The following KLHL3 variants were observed in gnomAD, a reference collection of about 807,000 sequenced individuals.
KLHL3 encodes the protein kelch-like protein 3.
Under a neutral mutation model 70.5 loss-of-function variants are expected in KLHL3, and 19 were observed. The observed-to-expected ratio is 0.27, with a 90% CI of 0.19 to 0.40. The LOEUF (loss-of-function observed/expected upper bound fraction) is 0.40. KLHL3 is among the 10% of genes least tolerant of loss of function. The probability of loss-of-function intolerance (pLI) is 1.00; values close to 1 mark genes in which losing one functional copy is unlikely to be tolerated. For synonymous variants in KLHL3, 258 were observed against 290.3 expected, an observed-to-expected ratio of 0.89 and a Z score of 1.13; for missense variants, 512 against 771.1, an observed-to-expected ratio of 0.66 and a Z score of 3.98.
chr5:137,700,476 A>C (rs1307926908), intron 3 of KLHL3, among the ~76,000 whole-genome samples: 15 of 152,216 alleles, frequency 9.9e-5, no homozygotes, highest in Admixed American at 9.8e-4. Context: ...GTTGAAAGTC[A>C]GGTTAGGGTT....
chr5:137,645,943 T>C (rs1379131271), intron 8 of KLHL3, among the ~76,000 whole-genome samples: 2 of 152,070 alleles, frequency 1.3e-5, no homozygotes, highest in South Asian at 2.1e-4. Flanking sequence ...AACAGACACA[T>C]AGACCAATGG....
intron 12 of KLHL3, among the ~76,000 whole-genome samples, chr5:137,633,278 C>CAAA (rs56084512): frequency 1.4e-5 from 1 of 72,012 alleles, no homozygotes; most frequent in African/African-American, 6.1e-5. Flanking sequence ...GACTTCATCT[C>CAAA]AAAAAAAAAA....
intron 8 of KLHL3, among the ~76,000 whole-genome samples, chr5:137,654,381 G>A (rs912688916): frequency 1.3e-5 from 2 of 152,188 alleles, no homozygotes; most frequent in African/African-American, 4.8e-5. Flanking sequence ...CCGAACCCCA[G>A]CTCTGCACTT....
intron 4 of KLHL3, among the ~76,000 whole-genome samples, chr5:137,697,829 G>T (rs1033252306): frequency 1.3e-5 from 2 of 152,158 alleles, no homozygotes; most frequent in Non-Finnish European, 2.9e-5. Context: ...AAAGAGAGCT[G>T]GTTCCAATTA....
intron 6 of KLHL3, among the ~76,000 whole-genome samples, chr5:137,668,545 T>C (rs1414044319): frequency 6.6e-6 from 1 of 152,220 alleles, no homozygotes; most frequent in African/African-American, 2.4e-5. Context: ...TTCCCAGGGA[T>C]TGAGGCAATA....
chr5:137,690,849 C>G (rs1033495975), intron 5 of KLHL3, among the ~76,000 whole-genome samples: 1 of 152,014 alleles, frequency 6.6e-6, no homozygotes, highest in African/African-American at 2.4e-5. Flanking sequence ...ACAGGAGACA[C>G]GGAACAGAAT....
chr5:137,697,009 G>A (rs1580769886), intron 4 of KLHL3, among the ~76,000 whole-genome samples: 1 of 152,154 alleles, frequency 6.6e-6, no homozygotes, highest in East Asian at 1.9e-4. Flanking sequence ...AGGCTTTCAG[G>A]AAAGCCCCAG....
chr5:137,621,691 C>T lies in KLHL3; in HGVS notation c.*407G>A, dbSNP rs184295870. On this transcript the variant is annotated 3_prime_UTR_variant, in exon 15 of 15. Coordinates refer to ENST00000309755, the MANE Select transcript of KLHL3 (RefSeq NM_017415.3). ...CTCTGTGACTTGATTTTTAACACAG[C>T]GAAAGGATCAGTAGTAAAGAAATCC... The T allele has an allele frequency of 2.2e-5, 4 of 178,994 alleles. No homozygotes were observed. Among genetic ancestry groups the T allele is most frequent in the Admixed American group, 6.0e-5 (1 of 16,798 alleles). The allele number at this position is 178,994 out of a possible 1,614,324, so 11.1% of individuals were successfully genotyped here.
At chr5:137,692,639 G>A in intron 4 of KLHL3, 192 bp from the exon 5 acceptor site, 1 of 576,770 alleles carries the variant, frequency 1.7e-6, no homozygotes, top group South Asian at 2.1e-5. Context: ...CTAAACACCA[G>A]CAGATTCTCT....
intron 6 of KLHL3, among the ~76,000 whole-genome samples, chr5:137,674,480 C>T (rs1057506864): frequency 2.6e-5 from 4 of 152,218 alleles, no homozygotes; most frequent in African/African-American, 9.6e-5. Flanking sequence ...TTACACTCAT[C>T]ATTAATAGTA....
chr5:137,653,724 C>CATAATCAT (rs1299460690), intron 8 of KLHL3, among the ~76,000 whole-genome samples: 1 of 152,124 alleles, frequency 6.6e-6, no homozygotes, highest in Admixed American at 6.5e-5. Context: ...ATATACTTAC[C>CATAATCAT]ATACAACCCA....
chr5:137,697,040 C>A (rs1752462165), intron 4 of KLHL3, among the ~76,000 whole-genome samples: 1 of 152,158 alleles, frequency 6.6e-6, no homozygotes, highest in African/African-American at 2.4e-5. Context: ...CTCATCTCCT[C>A]GGTGCACCAA....
chr5:137,714,601 T>C (rs1752859308), intron 2 of KLHL3, among the ~76,000 whole-genome samples: 1 of 152,130 alleles, frequency 6.6e-6, no homozygotes, highest in Non-Finnish European at 1.5e-5. Flanking sequence ...AGTAGACTAG[T>C]GGTTGCCTAG....
chr5:137,729,549 T>C (rs138958515), intron 1 of KLHL3, among the ~76,000 whole-genome samples: 7 of 152,188 alleles, frequency 4.6e-5, no homozygotes, highest in Non-Finnish European at 1.0e-4. Flanking sequence ...TTCAGAGAGG[T>C]AGAATGTGGT....
chr5:137,718,184 C>A (rs1561619096), intron 2 of KLHL3, among the ~76,000 whole-genome samples: 2 of 152,182 alleles, frequency 1.3e-5, no homozygotes, highest in Non-Finnish European at 2.9e-5. Flanking sequence ...TTTCTCAGAA[C>A]AGAGTTTGAC....
At chr5:137,728,980 TAA>T (rs372903726) in intron 1 of KLHL3, among the ~76,000 whole-genome samples, 62 of 128,054 alleles carry the variant, frequency 4.8e-4, no homozygotes, top group African/African-American at 1.6e-3. Context: ...AAATAAAAGT[TAA>T]AAAAAAAAAA....
intron 10 of KLHL3, 134 bp from the exon 11 acceptor site, chr5:137,637,529 AT>A: frequency 1.4e-6 from 1 of 696,910 alleles, no homozygotes; most frequent in Non-Finnish European, 2.5e-6. Flanking sequence ...CCACCTCTGC[AT>A]CACCATGCGG....
chr5:137,701,940 A>G (rs1580773748), intron 3 of KLHL3, among the ~76,000 whole-genome samples: 1 of 152,216 alleles, frequency 6.6e-6, no homozygotes, highest in East Asian at 1.9e-4. Context: ...TTCCACTTAC[A>G]TCTGCTAACA....
chr5:137,694,214 C>T (rs117884989), intron 4 of KLHL3, among the ~76,000 whole-genome samples: 2 of 152,252 alleles, frequency 1.3e-5, no homozygotes, highest in East Asian at 3.9e-4. Context: ...TTCTCTCTCA[C>T]GACAGCTGAG....
Sources: allele counts gnomAD v4.1 joint callset (sites outside exome capture counted in the v4.1 genomes callset), GRCh38; gene constraint gnomAD v4.1.1; transcripts MANE v1.5; gene names NCBI Gene and HGNC (gene_info 2026-07-23, HGNC 2026-07-21).